The following PLCD3 variants were observed in gnomAD, a reference collection of about 807,000 sequenced individuals.
PLCD3 encodes 1-phosphatidylinositol 4,5-bisphosphate phosphodiesterase delta-3.
A neutral mutation model predicts 82.8 loss-of-function variants in PLCD3; 62 were observed. The ratio of observed to expected loss-of-function variants is 0.75; its 90% CI spans 0.61 to 0.93. The LOEUF (loss-of-function observed/expected upper bound fraction) is 0.93. PLCD3 is among the 40% of genes least tolerant of loss of function. The pLI is 0.00. For synonymous variants in PLCD3, 478 were observed against 471.8 expected (o/e 1.01, Z -0.17); for missense variants, 1,023 against 1,103.4 (o/e 0.93, Z 1.03).
rs1305331324 is a variant in PLCD3 at position 45,116,761 on chromosome 17, T to G, written c.1284A>C (p.Leu428=). ...AFTLSPYPVI[L]SLENHCGLEQ... is the part of the protein sequence containing the mutation. ...CCAGCCCGCAGTGGTTCTCCAGGGA[T>G]AGGATGACAGGGTAAGGGGACAGCT... Residue 428 remains leucine, a synonymous_variant, in exon 8 of 15, where the codon CTA becomes CTC. Transcript: ENST00000619929. 6.2e-7 allele frequency: 1 copy of G among 1,604,842 alleles called. No homozygotes were observed. The highest frequency in any genetic ancestry group is 8.5e-7 in the Non-Finnish European group (1 of 1,175,090).
chr17:45,120,247 A>C, intron 4 of PLCD3, 78 bp downstream of exon 4: 1 of 1,588,128 alleles, frequency 6.3e-7, no homozygotes, highest in Non-Finnish European at 8.6e-7. Context: ...AGGGGAGCTG[A>C]TGATTCAGAT....
chr17:45,118,134 A>G lies in PLCD3; in HGVS notation c.1120T>C (p.Phe374Leu), dbSNP rs1567879749. 6.2e-7 allele frequency: 1 copy of G among 1,613,960 alleles called. No homozygotes were observed. The highest frequency in any genetic ancestry group is 8.5e-7 in the Non-Finnish European group (1 of 1,179,880). ...PSSTEAYVRA[F>L]AQGCRCVELD... ...TCCACGCAGCGGCATCCCTGGGCAA[A>G]GGCCCTGTGTGTGGACAGATGGGTG... is the stretch of plus-strand genomic sequence containing the variant. Residue 374 changes from phenylalanine to leucine, a missense_variant, in exon 7 of 15, where the codon TTT (phenylalanine) becomes CTT (leucine). Transcript: ENST00000619929. This position sits in a 1 kb window ranked among gnomAD's most constrained non-coding sequence, Gnocchi z 4.1.
rs373081613 is a variant in PLCD3, at chr17:45,113,165, G to C, written c.2088C>G (p.Pro696=). 6.2e-7 allele frequency: 1 copy of C among 1,612,966 alleles called. No individual in the cohort carries two copies. Among genetic ancestry groups the C allele is most frequent in the Admixed American group, 1.7e-5 (1 of 59,880 alleles). The stretch of plus-strand genomic sequence containing the variant: ...CAGTCTCCTGCCGGGCACAGTCTGC[G>C]GGCACCCCATGGATCTCAATGCGCA... ...PLVRIEIHGV[P]ADCARQETDY... is the part of the protein sequence containing the mutation. Residue 696 remains proline, a synonymous_variant, in exon 13 of 15, where the codon CCC becomes CCG. Coordinates refer to ENST00000619929, the MANE Select transcript of PLCD3 (RefSeq NM_133373.5).
rs894333360 is a variant in PLCD3, at chr17:45,112,609, T to G, written c.*7A>C. ...TCGCAGAACCCCAAGGCGAGTGAGG[T>G]GGGCCCTCAGGAGCGCTGGATGCGG... On this transcript the variant is annotated 3_prime_UTR_variant, in exon 15 of 15. Transcript: ENST00000619929. 1.9e-6 allele frequency: 3 copies of G among 1,592,586 alleles called. No individual in the cohort carries two copies. In the African/African-American group the frequency reaches 4.0e-5, roughly 21 times the overall value.
chr17:45,120,695 C>T (rs2054329102), intron 3 of PLCD3, among the ~76,000 whole-genome samples: 1 of 152,204 alleles, frequency 6.6e-6, no homozygotes, highest in Non-Finnish European at 1.5e-5. Flanking sequence ...AAGGAGGCGC[C>T]GCGCCACCCC....
Position 45,115,122 on chromosome 17 carries a change from G to T in PLCD3, c.1683C>A (p.Arg561=), listed in dbSNP as rs1182695336. 5 of 1,601,840 alleles carry T rather than the reference G, an allele frequency of 3.1e-6. No homozygotes were observed. The highest frequency in any genetic ancestry group is 4.3e-6 in the Non-Finnish European group (5 of 1,174,364). Residue 561 remains arginine (R), a synonymous_variant, in exon 10 of 15, where the codon CGC becomes CGA. Transcript: ENST00000619929. Reference sequence around the variant, plus strand: ...CCTCCCGAATGAGTTTCTTGGCTTTGCGCTCGCTGAGGGAGCTGACCTGGC... The same window carrying T: ...CCTCCCGAATGAGTTTCTTGGCTTTTCGCTCGCTGAGGGAGCTGACCTGGC... ...QPCQVSSLSE[R]KAKKLIREAG...
intron 1 of PLCD3, among the ~76,000 whole-genome samples, chr17:45,123,531 C>T (rs1482154877): frequency 6.6e-6 from 1 of 152,120 alleles, no homozygotes; most frequent in African/African-American, 2.4e-5. Context: ...CAGCTCTGCC[C>T]CATCTGTCCA....
chr17:45,112,649 C>T lies in PLCD3; in HGVS notation c.2337G>A (p.Thr779=), dbSNP rs1436723953. 16 of 1,606,614 alleles carry T rather than the reference C, an allele frequency of 1.0e-5. No individual in the cohort carries two copies. Among genetic ancestry groups the T allele is most frequent in the African/African-American group, 5.3e-5 (4 of 74,798 alleles). Residue 779 remains threonine, a synonymous_variant, in exon 15 of 15, where the codon ACG becomes ACA. Transcript: ENST00000619929. ...SKDGASLSPA[T]LFIQIRIQRS ...GCTGGATGCGGATTTGGATGAAGAG[C>T]GTGGCTGGTGACAGTGAGGCCCCGT...
At position 45,111,206 on chromosome 17, in the gene PLCD3, C is replaced by T. The variant is rs2054239147; in HGVS notation, c.*1410G>A. 3 of 152,252 alleles carry T rather than the reference C, an allele frequency of 2.0e-5. No homozygotes were observed. Among genetic ancestry groups the T allele is most frequent in the African/African-American group, 7.2e-5 (3 of 41,462 alleles). 9.4% of individuals were successfully genotyped at this position (152,252 alleles called of 1,614,324 possible). A position where few individuals can be genotyped will look rare whatever the true frequency, so the allele number is the denominator to read the frequency against. On this transcript the variant is annotated 3_prime_UTR_variant, in exon 15 of 15. Coordinates refer to ENST00000619929, the MANE Select transcript of PLCD3 (RefSeq NM_133373.5). The stretch of plus-strand genomic sequence containing the variant: ...AGGCGGCCCAAGCAGCGTTTCCAGC[C>T]TTTGTGTAAAAGGCTGGCTGGCTGG...
intron 1 of PLCD3, among the ~76,000 whole-genome samples, chr17:45,123,477 G>A (rs2054356962): frequency 1.3e-5 from 2 of 152,250 alleles, no homozygotes; most frequent in African/African-American, 4.8e-5. Flanking sequence ...TGAAGGGGCA[G>A]ACAGGTAGAC....
rs1006010992 is a variant in PLCD3, at chr17:45,118,301, C to G, written c.1105G>C (p.Ala369Pro). 1.9e-6 allele frequency: 3 copies of G among 1,613,898 alleles called. No homozygotes were observed. The African/African-American group carries it at 4.0e-5, about 22-fold the overall frequency. The change falls in exon 6 of 15, where the codon GCC becomes CCC. Residue 369 changes from alanine to proline, a missense_variant. Around this residue, in one of 3 missense-constraint regions of PLCD3, gnomAD observed 553 missense variants for 655.7 expected, o/e 0.84. Transcript: ENST00000619929. This position sits in a 1 kb window ranked among gnomAD's most constrained non-coding sequence, Gnocchi z 4.1. ...CCCCTGCTACAGTACCTAACATAGG[C>G]CTCGGTGCTGCTGGGCCCCCCGATC... ...SQIGGPSSTE[A>P]YVRAFAQGCR...
Position 45,115,144 on chromosome 17 carries a change from T to A in PLCD3, c.1661A>T (p.Gln554Leu), listed in dbSNP as rs2054278632. Residue 554 changes from glutamine (Q) to leucine (L), a missense_variant, in exon 10 of 15, where the codon CAG (glutamine) becomes CTG (leucine). Gln to Leu is a moderately radical substitution (Grantham distance 113). Transcript: ENST00000619929. ...TTTGCGCTCGCTGAGGGAGCTGACC[T>A]GGCAGGGTTGTGGGGCGTTGGGGGC... ...HPAPNAPQPC[Q>L]VSSLSERKAK... The A allele has an allele frequency of 1.9e-6, 3 of 1,601,134 alleles. No individual in the cohort carries two copies. Among genetic ancestry groups the A allele is most frequent in the Non-Finnish European group, 2.6e-6 (3 of 1,174,122 alleles).
rs751645812 is a variant in PLCD3 at position 45,121,142 on chromosome 17, G to T, written c.326-12C>A. 2 of 1,518,484 alleles carry T rather than the reference G, an allele frequency of 1.3e-6. No individual in the cohort carries two copies. The highest frequency in any genetic ancestry group is 8.8e-7 in the Non-Finnish European group (1 of 1,139,386). The allele number at this position is 1,518,484 out of a possible 1,614,324, so 94.1% of individuals were successfully genotyped here. On this transcript the variant is annotated splice_polypyrimidine_tract_variant and intron_variant, in intron 2 of 14. Transcript: ENST00000619929. ...GTGCTGCACGAAGACTGAGAGGAGG[G>T]CCGGGTCAGGGCGGAGGACCGGGCC...
chr17:45,112,641 A>G lies in PLCD3; in HGVS notation c.2345T>C (p.Ile782Thr). The change falls in exon 15 of 15, where the codon ATC becomes ACC. Residue 782 changes from isoleucine to threonine, a missense_variant. Ile to Thr is a moderately conservative substitution (Grantham distance 89, BLOSUM62 -1). Coordinates refer to ENST00000619929, the MANE Select transcript of PLCD3 (RefSeq NM_133373.5). ...GASLSPATLF[I>T]QIRIQRS ...TCAGGAGCGCTGGATGCGGATTTGGATGAAGAGCGTGGCTGGTGACAGTGA... is the reference window on the plus strand; with the variant it reads ...TCAGGAGCGCTGGATGCGGATTTGGGTGAAGAGCGTGGCTGGTGACAGTGA... The G allele has an allele frequency of 6.2e-7, 1 of 1,605,908 alleles. No individual in the cohort carries two copies. Among genetic ancestry groups the G allele is most frequent in the Non-Finnish European group, 8.5e-7 (1 of 1,176,594 alleles).
At chr17:45,129,094 A>T (rs1376138082) in intron 1 of PLCD3, 2 of 152,250 alleles carry the variant, frequency 1.3e-5, no homozygotes, top group Non-Finnish European at 1.5e-5. Context: ...ACCTCATATT[A>T]GTGTGAGCAT....
In PLCD3 at chr17:45,118,355, A is replaced by G; in HGVS notation, c.1051T>C (p.Ser351Pro). ...GAGTCAGTCAGATAGGTGTTGTGGG[A>G]GGAAGAGATGAAGTAGTGGGCAAGG... ...QPLAHYFISS[S>P]HNTYLTDSQI... The change falls in exon 6 of 15, where the codon TCC (serine) becomes CCC (proline). Residue 351 changes from serine to proline, a missense_variant. Transcript: ENST00000619929. This position sits in a 1 kb window ranked among gnomAD's most constrained non-coding sequence, Gnocchi z 4.1. The G allele has an allele frequency of 6.2e-7, 1 of 1,613,946 alleles. No homozygotes were observed. Among genetic ancestry groups the G allele is most frequent in the South Asian group, 1.1e-5 (1 of 91,090 alleles).
intron 1 of PLCD3, among the ~76,000 whole-genome samples, chr17:45,126,498 T>C (rs1306567652): frequency 6.6e-6 from 1 of 151,660 alleles, no homozygotes; most frequent in Non-Finnish European, 1.5e-5. Context: ...AGATGGGGTT[T>C]CACCATGTTG....
Position 45,109,173 on chromosome 17 carries a change from T to G in PLCD3, c.*3443A>C, listed in dbSNP as rs1279414172. 6.6e-6 allele frequency: 1 copy of G among 152,322 alleles called. No individual in the cohort carries two copies. The highest frequency in any genetic ancestry group is 1.5e-5 in the Non-Finnish European group (1 of 68,072). The allele number at this position is 152,322 out of a possible 1,614,324, so 9.4% of individuals were successfully genotyped here. On this transcript the variant is annotated 3_prime_UTR_variant, in exon 15 of 15. Coordinates refer to ENST00000619929, the MANE Select transcript of PLCD3 (RefSeq NM_133373.5). ...AGGCCTTCCTTTAAGGCTGCCCTTC[T>G]TCCAGGGCAAACTTGGTGTTGTCAG... is the stretch of plus-strand genomic sequence containing the variant.
chr17:45,124,587 A>G (rs1567883200), intron 1 of PLCD3, among the ~76,000 whole-genome samples: 1 of 152,244 alleles, frequency 6.6e-6, no homozygotes. Flanking sequence ...CAACAGAGGT[A>G]AGGAGGCAAG....
Sources: allele counts gnomAD v4.1 joint callset (sites outside exome capture counted in the v4.1 genomes callset), GRCh38; gene constraint gnomAD v4.1.1; regional missense constraint gnomAD v4.1.1; non-coding constraint Gnocchi (gnomAD v3.1); transcripts MANE v1.5; gene names NCBI Gene and HGNC (gene_info 2026-07-23, HGNC 2026-07-21).